ARHGAP42: variants seen among roughly 807,000 people sequenced by gnomAD.
The protein encoded by ARHGAP42 is rho GTPase-activating protein 42.
ARHGAP42 carries 63 observed loss-of-function variants against 125.0 expected under a neutral mutation model. That is an observed-to-expected ratio of 0.50 (90% CI 0.41 to 0.62). The LOEUF (loss-of-function observed/expected upper bound fraction) is 0.62. ARHGAP42 is among the 20% of genes least tolerant of loss of function. The pLI, the probability that ARHGAP42 is intolerant of heterozygous loss-of-function variation, is 0.00. For missense variants in ARHGAP42, 766 were observed against 1,024.2 expected (o/e 0.75, Z 3.44); for synonymous variants, 339 against 351.0 (o/e 0.97, Z 0.38).
At chr11:100,729,811 CTTTTT>C (rs1218377976) in intron 1 of ARHGAP42, among the ~76,000 whole-genome samples, 3 of 133,670 alleles carry the variant, frequency 2.2e-5, no homozygotes, top group Non-Finnish European at 3.2e-5. Flanking sequence ...AAATTTCTTT[CTTTTT>C]TTTTTTTTTT....
chr11:100,696,512 C>T (rs535487191), intron 1 of ARHGAP42, among the ~76,000 whole-genome samples: 56 of 151,876 alleles, frequency 3.7e-4, no homozygotes, highest in Non-Finnish European at 7.2e-4. Flanking sequence ...CACCACCACG[C>T]CCAGATAATT....
At chr11:100,699,365 G>A (rs1203939677) in intron 1 of ARHGAP42, among the ~76,000 whole-genome samples, 1 of 150,442 alleles carries the variant, frequency 6.6e-6, no homozygotes, top group Non-Finnish European at 1.5e-5. Flanking sequence ...TGTTAGCCCT[G>A]CAATTCTATA....
intron 4 of ARHGAP42, among the ~76,000 whole-genome samples, chr11:100,868,150 G>A (rs1865616423): frequency 6.6e-6 from 1 of 152,090 alleles, no homozygotes; most frequent in African/African-American, 2.4e-5. Flanking sequence ...GAGACATAAA[G>A]TGAGCATTGT....
At chr11:100,893,047 A>C (rs1023114168) in intron 4 of ARHGAP42, among the ~76,000 whole-genome samples, 2 of 152,108 alleles carry the variant, frequency 1.3e-5, no homozygotes, top group Non-Finnish European at 2.9e-5. Context: ...TTCAGTGCTC[A>C]TCATGTATTC....
chr11:100,880,290 T>G (rs1167554438), intron 4 of ARHGAP42, among the ~76,000 whole-genome samples: 1 of 152,166 alleles, frequency 6.6e-6, no homozygotes, highest in Admixed American at 6.5e-5. Flanking sequence ...AAGTCCACTG[T>G]GTCATTCTTA....
At chr11:100,827,941 G>C (rs2135088378) in intron 3 of ARHGAP42, among the ~76,000 whole-genome samples, 1 of 152,310 alleles carries the variant, frequency 6.6e-6, no homozygotes, top group South Asian at 2.1e-4. Flanking sequence ...CACCACATGG[G>C]AGTGGGGGTA....
At chr11:100,873,289 A>G (rs1441757367) in intron 4 of ARHGAP42, among the ~76,000 whole-genome samples, 2 of 152,248 alleles carry the variant, frequency 1.3e-5, no homozygotes, top group African/African-American at 4.8e-5. Flanking sequence ...AACCGCATTA[A>G]GAAATACATT....
chr11:100,819,506 G>C (rs1245219726), intron 3 of ARHGAP42, among the ~76,000 whole-genome samples: 1 of 152,120 alleles, frequency 6.6e-6, no homozygotes, highest in African/African-American at 2.4e-5. Context: ...GAAATTTGCT[G>C]AGTTTAGCTT....
chr11:100,797,422 T>C (rs1222504888), intron 3 of ARHGAP42, among the ~76,000 whole-genome samples: 1 of 152,092 alleles, frequency 6.6e-6, no homozygotes, highest in Non-Finnish European at 1.5e-5. Flanking sequence ...ATGTAGCTGG[T>C]GATTTTAAGT....
At chr11:100,722,227 G>A (rs1399112461) in intron 1 of ARHGAP42, among the ~76,000 whole-genome samples, 2 of 151,864 alleles carry the variant, frequency 1.3e-5, no homozygotes, top group Admixed American at 1.3e-4. Flanking sequence ...TCGCTGTTTT[G>A]CCATCCTTAT....
chr11:100,960,352 C>T (rs1348223770), intron 13 of ARHGAP42, among the ~76,000 whole-genome samples: 3 of 151,798 alleles, frequency 2.0e-5, no homozygotes, highest in Admixed American at 6.6e-5. Flanking sequence ...TACCTTTCTT[C>T]GTTTTAATCA....
chr11:100,813,223 G>T (rs749863117), intron 3 of ARHGAP42, among the ~76,000 whole-genome samples: 19 of 151,926 alleles, frequency 1.3e-4, no homozygotes, highest in Non-Finnish European at 2.6e-4. Flanking sequence ...TGTTATGGGG[G>T]TCTGTCCTGT....
intron 3 of ARHGAP42, chr11:100,840,010 A>G (rs1214715262): frequency 6.6e-6 from 1 of 152,170 alleles, no homozygotes; most frequent in African/African-American, 2.4e-5. Flanking sequence ...TTTTTATTTT[A>G]TGAGACTAGA....
intron 1 of ARHGAP42, among the ~76,000 whole-genome samples, chr11:100,709,679 A>G (rs1861529561): frequency 6.6e-6 from 1 of 152,174 alleles, no homozygotes; most frequent in Non-Finnish European, 1.5e-5. Context: ...CATATTTTTT[A>G]TTACTAGCAT....
chr11:100,709,560 G>A (rs911133199), intron 1 of ARHGAP42, among the ~76,000 whole-genome samples: 3 of 151,912 alleles, frequency 2.0e-5, no homozygotes, highest in Non-Finnish European at 4.4e-5. Flanking sequence ...TAATATTTCA[G>A]ACCTCAGTTG....
At chr11:100,723,028 T>G (rs1436032803) in intron 1 of ARHGAP42, among the ~76,000 whole-genome samples, 2 of 152,242 alleles carry the variant, frequency 1.3e-5, no homozygotes, top group Non-Finnish European at 2.9e-5. Flanking sequence ...GGATGTCGTG[T>G]TGTTCCAGCA....
chr11:100,910,157 C>A (rs1412901606), intron 4 of ARHGAP42, among the ~76,000 whole-genome samples: 1 of 152,176 alleles, frequency 6.6e-6, no homozygotes, highest in Non-Finnish European at 1.5e-5. Context: ...ACTAATTCAC[C>A]GTTTTTGAGG....
At chr11:100,776,285 C>T (rs1463077269) in intron 2 of ARHGAP42, among the ~76,000 whole-genome samples, 2 of 152,122 alleles carry the variant, frequency 1.3e-5, no homozygotes, top group South Asian at 2.1e-4. Context: ...AGTCCAGTTG[C>T]GATTGTGCGT....
chr11:100,946,867 A>T (rs978229163), intron 10 of ARHGAP42, among the ~76,000 whole-genome samples: 2 of 152,030 alleles, frequency 1.3e-5, no homozygotes, highest in Non-Finnish European at 2.9e-5. Flanking sequence ...AGACATGCAG[A>T]ACACAGGGTT....
Sources: allele counts gnomAD v4.1 joint callset (sites outside exome capture counted in the v4.1 genomes callset), GRCh38; gene constraint gnomAD v4.1.1; transcripts MANE v1.5; gene names NCBI Gene and HGNC (gene_info 2026-07-23, HGNC 2026-07-21).